LAPTM4A: variants seen among roughly 807,000 people sequenced by gnomAD.
LAPTM4A encodes the protein lysosomal protein transmembrane 4 alpha.
A neutral mutation model predicts 29.9 loss-of-function variants in LAPTM4A; 19 were observed. The observed-to-expected ratio is 0.64, with a 90% CI of 0.44 to 0.93. The LOEUF (loss-of-function observed/expected upper bound fraction) is 0.93, where lower values mean the gene tolerates loss of function less well. LAPTM4A is among the 40% of genes least tolerant of loss of function. The pLI is 0.00. For synonymous variants in LAPTM4A, 105 were observed against 102.1 expected, an observed-to-expected ratio of 1.03 and a Z score of -0.17; for missense variants, 293 against 288.5, an observed-to-expected ratio of 1.02 and a Z score of -0.11.
chr2:20,043,819 G>A (rs938515724), intron 1 of LAPTM4A, among the ~76,000 whole-genome samples: 4 of 152,138 alleles, frequency 2.6e-5, no homozygotes, highest in African/African-American at 9.7e-5. Context: ...TGTAGATGGG[G>A]AAACTTAAGA....
intron 4 of LAPTM4A, 92 bp from the exon 5 acceptor site, chr2:20,035,154 A>G: frequency 1.3e-6 from 1 of 783,744 alleles, no homozygotes; most frequent in Non-Finnish European, 2.2e-6. Flanking sequence ...CAAAGGCACC[A>G]AAGTCAAAAG....
chr2:20,047,240 T>G (rs1390023155), intron 1 of LAPTM4A, among the ~76,000 whole-genome samples: 2 of 149,224 alleles, frequency 1.3e-5, no homozygotes, highest in Non-Finnish European at 3.0e-5. Context: ...TACAAAAAAT[T>G]AGCCCGACAT....
At chr2:20,040,272 T>C (rs1249244403) in intron 2 of LAPTM4A, among the ~76,000 whole-genome samples, 1 of 152,224 alleles carries the variant, frequency 6.6e-6, no homozygotes, top group Non-Finnish European at 1.5e-5. Flanking sequence ...GATTTCAAGG[T>C]ACATTTTACA....
intron 2 of LAPTM4A, among the ~76,000 whole-genome samples, chr2:20,039,963 T>C (rs1202653631): frequency 6.6e-6 from 1 of 151,980 alleles, no homozygotes; most frequent in Non-Finnish European, 1.5e-5. Flanking sequence ...GGAGAATCGC[T>C]TGAACCCAGG....
At chr2:20,040,203 T>A (rs1222517174) in intron 2 of LAPTM4A, among the ~76,000 whole-genome samples, 1 of 152,092 alleles carries the variant, frequency 6.6e-6, no homozygotes, top group African/African-American at 2.4e-5. Context: ...TAGCAACTTC[T>A]CCTTTCTACT....
In LAPTM4A at chr2:20,050,627, T is replaced by A. The variant is rs558688999; in HGVS notation, c.111+783A>T. On this transcript the variant is annotated intron_variant, in intron 1 of 6. Coordinates refer to ENST00000175091, the MANE Select transcript of LAPTM4A (RefSeq NM_014713.5). ...GAAAAAATCACAAACTTATTACTAG[T>A]GAATCACCAGGCAACAACAGTGTCA... 2.6e-5 allele frequency among the ~76,000 whole-genome samples: 4 copies of A among 152,230 alleles called. No homozygotes were observed. In the East Asian group the frequency reaches 7.7e-4, roughly 29 times the overall value.
Position 20,039,487 on chromosome 2 carries a change from C to T in LAPTM4A, c.232+1404G>A, listed in dbSNP as rs188919455. ...GTCTGCTATGGGCTGGGCACAGTGG[C>T]TCATGCCTGTAATCTCAGCACTTTG... On this transcript the variant is annotated intron_variant, in intron 2 of 6. Coordinates refer to ENST00000175091, the MANE Select transcript of LAPTM4A (RefSeq NM_014713.5). 9.0e-4 allele frequency among the ~76,000 whole-genome samples: 137 copies of T among 152,284 alleles called. 3 individuals carry two copies. In the East Asian group the frequency reaches 0.021, roughly 24 times the overall value.
chr2:20,034,840 G>T, intron 5 of LAPTM4A, 127 bp downstream of exon 5: 1 of 686,058 alleles, frequency 1.5e-6, no homozygotes, highest in Non-Finnish European at 2.6e-6. Context: ...CTCTGCTCAT[G>T]TGCCAGAATA....
At chr2:20,050,703 G>A (rs1674038808) in intron 1 of LAPTM4A, among the ~76,000 whole-genome samples, 1 of 152,212 alleles carries the variant, frequency 6.6e-6, no homozygotes, top group Admixed American at 6.5e-5. Context: ...AGATACCGGG[G>A]TAGGTGGCCA....
Position 20,037,366 on chromosome 2 carries a change from T to A in LAPTM4A, c.382A>T (p.Ile128Phe), listed in dbSNP as rs760722103. ...CTTGGCAAATAGGTGAGAGAACTAA[T>A]AGCAACCAGGCAACTGAGGACGAAG... ...FDFVLSCLVA[I>F]SSLTYLPRIK... The change falls in exon 4 of 7, where the codon ATT (isoleucine) becomes TTT (phenylalanine). Residue 128 changes from isoleucine (I) to phenylalanine (F), a missense_variant. Ile to Phe is a conservative substitution (Grantham distance 21). Transcript: ENST00000175091. 2 of 1,613,526 alleles carry A rather than the reference T, an allele frequency of 1.2e-6. No homozygotes were observed. The highest frequency in any genetic ancestry group is 8.5e-7 in the Non-Finnish European group (1 of 1,179,606).
intron 1 of LAPTM4A, among the ~76,000 whole-genome samples, chr2:20,049,882 G>A (rs1289537226): frequency 1.3e-5 from 2 of 152,070 alleles, no homozygotes; most frequent in Admixed American, 6.6e-5. Context: ...ATTCATTTAG[G>A]GAAATAGAAG....
chr2:20,036,281 C>T (rs1673675219), intron 4 of LAPTM4A, among the ~76,000 whole-genome samples: 1 of 152,228 alleles, frequency 6.6e-6, no homozygotes, highest in Non-Finnish European at 1.5e-5. Context: ...CCTCACTATG[C>T]TGCTTCTTGC....
chr2:20,034,210 C>T, intron 6 of LAPTM4A, 107 bp downstream of exon 6: 2 of 813,894 alleles, frequency 2.5e-6, no homozygotes, highest in Non-Finnish European at 4.3e-6. Flanking sequence ...AGGGTTCATG[C>T]CCAAACCATA....
chr2:20,041,190 AAAAT>A (rs1218298567), intron 1 of LAPTM4A, among the ~76,000 whole-genome samples, 179 bp from the exon 2 acceptor site: 1 of 152,248 alleles, frequency 6.6e-6, no homozygotes, highest in African/African-American at 2.4e-5. Flanking sequence ...GAATAATTTA[AAAAT>A]AAATATTTTA....
chr2:20,043,211 CTTTT>C (rs768927745), intron 1 of LAPTM4A, among the ~76,000 whole-genome samples: 2 of 78,282 alleles, frequency 2.6e-5, no homozygotes, highest in Non-Finnish European at 5.0e-5. Flanking sequence ...TAGCTGGGAC[CTTTT>C]TTTTTTTTTT....
At chr2:20,044,244 G>A (rs1673864811) in intron 1 of LAPTM4A, among the ~76,000 whole-genome samples, 1 of 152,138 alleles carries the variant, frequency 6.6e-6, no homozygotes, top group African/African-American at 2.4e-5. Flanking sequence ...ATTAATTACT[G>A]AACTATCAGA....
chr2:20,043,004 A>G (rs990740953), intron 1 of LAPTM4A, among the ~76,000 whole-genome samples: 3 of 151,820 alleles, frequency 2.0e-5, no homozygotes, highest in African/African-American at 7.3e-5. Flanking sequence ...CAGTAGCGCA[A>G]TCTCGGCTCA....
chr2:20,038,695 G>C (rs1037436204), intron 2 of LAPTM4A, among the ~76,000 whole-genome samples: 6 of 152,066 alleles, frequency 3.9e-5, no homozygotes, highest in Non-Finnish European at 7.4e-5. Flanking sequence ...GAAACTGGGG[G>C]GGATGGGCAC....
In LAPTM4A at chr2:20,040,907, C is replaced by T. The variant is rs3731673; in HGVS notation, c.216G>A (p.Ser72=). 8 of 1,613,186 alleles carry T rather than the reference C, an allele frequency of 5.0e-6. No individual in the cohort carries two copies. Among genetic ancestry groups the T allele is most frequent in the South Asian group, 1.1e-5 (1 of 91,012 alleles). ...IQYEVIGNYY[S]SERMADNACV... ...AACACATACCAGCCATTCTCTCAGA[C>T]GAATAGTAATTACCGATGACTTCAT... Residue 72 remains serine (S), a synonymous_variant, in exon 2 of 7, where the codon TCG becomes TCA. Coordinates refer to ENST00000175091, the MANE Select transcript of LAPTM4A (RefSeq NM_014713.5).
Sources: allele counts gnomAD v4.1 joint callset (sites outside exome capture counted in the v4.1 genomes callset), GRCh38; gene constraint gnomAD v4.1.1; transcripts MANE v1.5; gene names NCBI Gene and HGNC (gene_info 2026-07-23, HGNC 2026-07-21).